Variants in MACROD2 observed in about 807,000 individuals in gnomAD.
MACROD2 encodes mono-ADP ribosylhydrolase 2.
A neutral mutation model predicts 70.4 loss-of-function variants in MACROD2; 36 were observed. The observed-to-expected ratio is 0.51, with a 90% CI of 0.39 to 0.68. MACROD2 has a LOEUF of 0.68. Among genes scored for constraint, MACROD2 ranks in the 30% least tolerant of loss-of-function variants. The pLI is 0.00. For missense variants in MACROD2, 496 were observed against 538.4 expected, an observed-to-expected ratio of 0.92 and a Z score of 0.78; for synonymous variants, 172 against 178.8, an observed-to-expected ratio of 0.96 and a Z score of 0.30.
At position 13,995,666 on chromosome 20, in the gene MACROD2, G is replaced by C; in HGVS notation, c.-98G>C. 1 of 1,005,224 alleles carries C rather than the reference G, an allele frequency of 9.9e-7. No homozygotes were observed. Among genetic ancestry groups the C allele is most frequent in the Non-Finnish European group, 1.6e-6 (1 of 633,862 alleles). 62.3% of individuals were successfully genotyped at this position (1,005,224 alleles called of 1,614,324 possible). A position where few individuals can be genotyped will look rare whatever the true frequency, so the allele number is the denominator to read the frequency against. On this transcript the variant is annotated 5_prime_UTR_variant, in exon 1 of 18. Coordinates refer to ENST00000684519, the MANE Select transcript of MACROD2 (RefSeq NM_001351661.2). This position sits in a 1 kb window ranked among gnomAD's most constrained non-coding sequence, Gnocchi z 4.3. ...GCAGAGCCTCTTTCACTTTTTCCCT[G>C]CTGAGTGCCCCCTCCCACCCCTCCC... is the stretch of plus-strand genomic sequence containing the variant.
chr20:15,849,060 G>A (rs911851939), intron 8 of MACROD2, among the ~76,000 whole-genome samples: 1 of 152,180 alleles, frequency 6.6e-6, no homozygotes, highest in Non-Finnish European at 1.5e-5. Context: ...GTTGGGGGAG[G>A]TAGAGGCTAG....
chr20:15,245,368 G>T (rs948025533), intron 6 of MACROD2, among the ~76,000 whole-genome samples: 2 of 152,048 alleles, frequency 1.3e-5, no homozygotes, highest in Non-Finnish European at 1.5e-5. Flanking sequence ...TGCTGTTATG[G>T]CACTCAAAAT....
At chr20:14,954,317 C>T (rs570736819) in intron 5 of MACROD2, among the ~76,000 whole-genome samples, 1 of 151,434 alleles carries the variant, frequency 6.6e-6, no homozygotes, top group Admixed American at 6.6e-5. Context: ...ATGTATTTAC[C>T]ACATTTGTTG....
At chr20:15,233,984 TA>T in intron 6 of MACROD2, among the ~76,000 whole-genome samples, 1 of 28,370 alleles carries the variant, frequency 3.5e-5, no homozygotes, top group African/African-American at 1.5e-4. Flanking sequence ...TATATTTATT[TA>T]TATATATATA....
At chr20:14,033,336 A>C (rs1455544961) in intron 2 of MACROD2, among the ~76,000 whole-genome samples, 1 of 151,982 alleles carries the variant, frequency 6.6e-6, no homozygotes, top group Non-Finnish European at 1.5e-5. Context: ...TTACAGTTAC[A>C]ATAGTTTCTT....
At chr20:15,018,041 AGCC>A (rs2075135226) in intron 5 of MACROD2, among the ~76,000 whole-genome samples, 1 of 152,220 alleles carries the variant, frequency 6.6e-6, no homozygotes, top group Admixed American at 6.5e-5. Context: ...AAATTTCTGC[AGCC>A]GCCTTGAATT....
At chr20:15,542,465 T>C (rs1300364141) in intron 8 of MACROD2, among the ~76,000 whole-genome samples, 2 of 152,128 alleles carry the variant, frequency 1.3e-5, no homozygotes, top group African/African-American at 4.8e-5. Context: ...CAGTGGGAGA[T>C]GACCATAATA....
intron 8 of MACROD2, among the ~76,000 whole-genome samples, chr20:15,668,781 C>A (rs1426344591): frequency 1.3e-5 from 2 of 152,152 alleles, no homozygotes; most frequent in Non-Finnish European, 1.5e-5. Context: ...CTTGCTTACC[C>A]AAACCTGAAG....
intron 5 of MACROD2, among the ~76,000 whole-genome samples, chr20:15,185,888 G>A (rs554175377): frequency 1.3e-5 from 2 of 152,230 alleles, no homozygotes; most frequent in Non-Finnish European, 2.9e-5. Flanking sequence ...CTCCTGTCGG[G>A]AATTTGGGGG....
intron 7 of MACROD2, among the ~76,000 whole-genome samples, chr20:15,464,791 T>C (rs559860240): frequency 1.3e-3 from 191 of 152,332 alleles, no homozygotes; most frequent in Non-Finnish European, 2.2e-3. Flanking sequence ...TTTGTTTCTA[T>C]CTTAATTATT....
rs6105283 is a variant in MACROD2, at chr20:14,541,391, C to T, written c.301+47883C>T. Among the ~76,000 whole-genome samples, 764 of 152,152 alleles carry T rather than the reference C, an allele frequency of 5.0e-3. 5 individuals are homozygous for T. The highest frequency in any genetic ancestry group is 0.017 in the African/African-American group (725 of 41,502). ...TATCTCCCTTCAGAGTCCATCTTGT[C>T]GGGGAAGTCTTCTCCGACCATCTCA... is the stretch of plus-strand genomic sequence containing the variant. On this transcript the variant is annotated intron_variant, in intron 4 of 17. Coordinates refer to ENST00000684519, the MANE Select transcript of MACROD2 (RefSeq NM_001351661.2).
intron 5 of MACROD2, among the ~76,000 whole-genome samples, chr20:15,165,442 C>A (rs2145880101): frequency 6.6e-6 from 1 of 152,180 alleles, no homozygotes; most frequent in Non-Finnish European, 1.5e-5. Flanking sequence ...GGTGACAGAG[C>A]AAAACTGCAT....
At chr20:15,731,955 C>G in intron 8 of MACROD2, among the ~76,000 whole-genome samples, 1 of 58,982 alleles carries the variant, frequency 1.7e-5, no homozygotes. Flanking sequence ...GGGGTTTCAC[C>G]ATGTTGGCCA....
chr20:15,176,256 T>C (rs530544737), intron 5 of MACROD2, among the ~76,000 whole-genome samples: 2 of 152,202 alleles, frequency 1.3e-5, no homozygotes, highest in African/African-American at 4.8e-5. Context: ...GGATGGCATG[T>C]TGATGGCAGC....
chr20:15,596,990 C>T (rs1194425456), intron 8 of MACROD2, among the ~76,000 whole-genome samples: 1 of 152,178 alleles, frequency 6.6e-6, no homozygotes, highest in Non-Finnish European at 1.5e-5. Flanking sequence ...TGGAGATCAT[C>T]CTACAAAACT....
chr20:15,211,816 A>G (rs2076766395), intron 5 of MACROD2, among the ~76,000 whole-genome samples: 1 of 152,194 alleles, frequency 6.6e-6, no homozygotes, highest in Non-Finnish European at 1.5e-5. Flanking sequence ...TGGACTCATA[A>G]AACAGCTATG....
intron 5 of MACROD2, among the ~76,000 whole-genome samples, chr20:15,224,899 G>A (rs920315345): frequency 6.6e-6 from 1 of 151,102 alleles, no homozygotes; most frequent in Non-Finnish European, 1.5e-5. Context: ...AGCAGAGGTT[G>A]CAGTGAGCCA....
chr20:14,339,119 A>G (rs2082985314), intron 3 of MACROD2, among the ~76,000 whole-genome samples: 1 of 152,088 alleles, frequency 6.6e-6, no homozygotes, highest in Non-Finnish European at 1.5e-5. Context: ...CATTTAGTTT[A>G]TCTATTTATA....
In MACROD2 at chr20:15,591,693, G is replaced by A. The variant is rs565103001; in HGVS notation, c.645+91846G>A. The stretch of plus-strand genomic sequence containing the variant: ...GACTTTTATTTTTTCATCTTTAACC[G>A]GAATGCAGACCTTGTTTCATTAGGT... On this transcript the variant is annotated intron_variant, in intron 8 of 17. Coordinates refer to ENST00000684519, the MANE Select transcript of MACROD2 (RefSeq NM_001351661.2). Among the ~76,000 whole-genome samples, 39 of 150,464 alleles carry A rather than the reference G, an allele frequency of 2.6e-4. No homozygotes were observed. In the South Asian group the frequency reaches 5.2e-3, roughly 20 times the overall value.
Sources: allele counts gnomAD v4.1 joint callset (sites outside exome capture counted in the v4.1 genomes callset), GRCh38; gene constraint gnomAD v4.1.1; non-coding constraint Gnocchi (gnomAD v3.1); transcripts MANE v1.5; gene names NCBI Gene and HGNC (gene_info 2026-07-23, HGNC 2026-07-21).